NDUFA10: variants seen among roughly 807,000 people sequenced by gnomAD.
NDUFA10 encodes NADH:ubiquinone oxidoreductase subunit A10.
A neutral mutation model predicts 47.8 loss-of-function variants in NDUFA10; 40 were observed. The observed-to-expected ratio is 0.84, with a 90% CI of 0.65 to 1.09. The LOEUF is 1.09. NDUFA10 is among the 50% of genes least tolerant of loss of function. NDUFA10 has a pLI of 0.00. For missense variants in NDUFA10, 413 were observed against 451.1 expected, an observed-to-expected ratio of 0.92 and a Z score of 0.76; for synonymous variants, 183 against 172.2, an observed-to-expected ratio of 1.06 and a Z score of -0.49.
chr2:239,974,444 C>A (rs1695429296), intron 9 of NDUFA10, among the ~76,000 whole-genome samples: 1 of 152,232 alleles, frequency 6.6e-6, no homozygotes, highest in Non-Finnish European at 1.5e-5. Context: ...GTGAAAAGGT[C>A]TTTCTTTACT....
chr2:239,972,442 C>T (rs1695341801), intron 9 of NDUFA10, among the ~76,000 whole-genome samples: 1 of 151,960 alleles, frequency 6.6e-6, no homozygotes, highest in Non-Finnish European at 1.5e-5. Flanking sequence ...ATTCCAGTTT[C>T]CAACTCCTAT....
chr2:239,990,224 A>G (rs765065390), intron 8 of NDUFA10, 42 bp from the exon 9 acceptor site: 2 of 1,470,064 alleles, frequency 1.4e-6, no homozygotes, highest in South Asian at 2.3e-5. Context: ...AACCATCAAA[A>G]TAAATACAAT....
In NDUFA10 at chr2:240,021,393, T is replaced by A. The variant is rs776242214; in HGVS notation, c.264A>T (p.Glu88Asp). 1 of 1,614,198 alleles carries A rather than the reference T, an allele frequency of 6.2e-7. No homozygotes were observed. The highest frequency in any genetic ancestry group is 8.5e-7 in the Non-Finnish European group (1 of 1,180,030). The change falls in exon 3 of 10, where the codon GAA (glutamate) becomes GAT (aspartate). Residue 88 changes from glutamate to aspartate, a missense_variant. By Grantham distance (45) the Glu-to-Asp change is conservative (BLOSUM62 2). Transcript: ENST00000252711. Reference sequence around the variant, plus strand: ...TACTGTCTGGATAATGAATCCCCGCTTCAGGAAAGTGCTTGAAGCCTGAAA... The same window carrying A: ...TACTGTCTGGATAATGAATCCCCGCATCAGGAAAGTGCTTGAAGCCTGAAA... ...AEKLGFKHFP[E>D]AGIHYPDSTT...
At chr2:239,909,916 G>C (rs13410392) in intron 4 of NDUFA10, among the ~76,000 whole-genome samples, 11 of 139,048 alleles carry the variant, frequency 7.9e-5, no homozygotes, top group African/African-American at 2.9e-4. Context: ...AAGAAAGGCA[G>C]ACAAAAGAAG....
At chr2:239,948,188 A>G (rs1456846306) in intron 4 of NDUFA10, among the ~76,000 whole-genome samples, 2 of 152,228 alleles carry the variant, frequency 1.3e-5, no homozygotes, top group Non-Finnish European at 2.9e-5. Flanking sequence ...TAAGAGCTAG[A>G]ACCTCCTGGG....
intron 4 of NDUFA10, among the ~76,000 whole-genome samples, chr2:239,908,793 C>T (rs1269011015): frequency 6.6e-6 from 1 of 152,202 alleles, no homozygotes; most frequent in Non-Finnish European, 1.5e-5. Context: ...CCCTCCACAG[C>T]CCACCTTCCC....
chr2:239,996,040 CG>C (rs1279502064), intron 8 of NDUFA10, among the ~76,000 whole-genome samples: 1 of 151,798 alleles, frequency 6.6e-6, no homozygotes. Flanking sequence ...AGAGAAAATC[CG>C]TAAGGAGACC....
Position 240,007,188 on chromosome 2 carries a change from G to C in NDUFA10, c.804+128C>G, listed in dbSNP as rs74571597. On this transcript the variant is annotated intron_variant, in intron 7 of 9. Transcript: ENST00000252711. ...TGTGATGATGGGTTTGACTGGCACT[G>C]CTTTCAGGTGATAAAACAGTGATGT... is the stretch of plus-strand genomic sequence containing the variant. 1.6e-3 allele frequency: 1,204 copies of C among 749,340 alleles called. 13 individuals are homozygous for C. The African/African-American group carries it at 0.019, about 12-fold the overall frequency. 46.4% of individuals were successfully genotyped at this position (749,340 alleles called of 1,614,324 possible).
intron 4 of NDUFA10, among the ~76,000 whole-genome samples, chr2:239,898,993 G>GATGGAGAGGTA (rs1693463622): frequency 9.3e-6 from 1 of 107,974 alleles, no homozygotes; most frequent in Non-Finnish European, 2.0e-5. Context: ...ATGGAGAGGT[G>GATGGAGAGGTA]TGATGGAGAG....
intron 4 of NDUFA10, among the ~76,000 whole-genome samples, chr2:239,942,310 G>A (rs1042734690): frequency 1.3e-5 from 2 of 152,220 alleles, no homozygotes; most frequent in East Asian, 1.9e-4. Flanking sequence ...CCACCAGGGC[G>A]CCTGAGCCAG....
rs540529004 is a variant in NDUFA10 at position 240,016,881 on chromosome 2, G to A, written c.547+1672C>T. On this transcript the variant is annotated intron_variant, in intron 4 of 9. Transcript: ENST00000252711. This position sits in a 1 kb window ranked among gnomAD's most constrained non-coding sequence, Gnocchi z 4.4. ...GGAACCTCACACTCAGGAATCCAAC[G>A]CCCAAACATGAAGCCACATCGGTCC... 2.0e-5 allele frequency among the ~76,000 whole-genome samples: 3 copies of A among 152,140 alleles called. No individual in the cohort carries two copies. Among genetic ancestry groups the A allele is most frequent in the Admixed American group, 6.5e-5 (1 of 15,302 alleles).
chr2:240,020,632 G>C (rs190320977), intron 3 of NDUFA10, among the ~76,000 whole-genome samples: 42 of 152,180 alleles, frequency 2.8e-4, no homozygotes, highest in South Asian at 6.2e-4. Context: ...CCAGTACACA[G>C]CTCTTCCTTT....
rs183977893 is a variant in NDUFA10 at position 239,974,052 on chromosome 2, G to A, written c.1000-12866C>T. Among the ~76,000 whole-genome samples, 346 of 152,136 alleles carry A rather than the reference G, an allele frequency of 2.3e-3. 3 individuals are homozygous for A. Among genetic ancestry groups the A allele is most frequent in the South Asian group, 0.015 (72 of 4,806 alleles). On this transcript the variant is annotated intron_variant, in intron 9 of 9. Transcript: ENST00000252711. ...AGTGATTCTCATGCCTCAGCCTCCC[G>A]AGTAGGTGGGATTACAGGTGCTCGC...
chr2:239,966,695 G>C (rs2106401847), intron 9 of NDUFA10, among the ~76,000 whole-genome samples: 1 of 152,180 alleles, frequency 6.6e-6, no homozygotes, highest in African/African-American at 2.4e-5. Flanking sequence ...GAGGGTGAAT[G>C]GCACACACAC....
At chr2:239,975,529 T>G (rs116099898) in intron 9 of NDUFA10, among the ~76,000 whole-genome samples, 1 of 152,304 alleles carries the variant, frequency 6.6e-6, no homozygotes, top group Non-Finnish European at 1.5e-5. Context: ...AGAAAGCCAC[T>G]GTGTCAAACT....
At chr2:239,913,884 G>A (rs1693795905) in intron 4 of NDUFA10, among the ~76,000 whole-genome samples, 2 of 152,210 alleles carry the variant, frequency 1.3e-5, no homozygotes, top group African/African-American at 4.8e-5. Context: ...AGGAGGACGT[G>A]GCCAAGAGCG....
chr2:239,978,236 C>G (rs2106422493), intron 9 of NDUFA10, among the ~76,000 whole-genome samples: 2 of 152,268 alleles, frequency 1.3e-5, no homozygotes, highest in Middle Eastern at 3.4e-3. Flanking sequence ...ATGCCTTAGC[C>G]CTTAAAAACA....
chr2:239,906,336 CCT>C lies in NDUFA10; in HGVS notation c.295-11024_295-11023del, dbSNP rs1013976968. ...CTGACTGTCTAGGCACTGACCACGC[CCT>C]GTTGATAGACGCCGAGGCCATTTTC... On this transcript the variant is annotated intron_variant, in intron 4 of 5. Transcript: ENST00000419408. This position sits in a 1 kb window ranked among gnomAD's most constrained non-coding sequence, Gnocchi z 4.3. 1.3e-5 allele frequency among the ~76,000 whole-genome samples: 2 copies of C among 152,162 alleles called. No individual in the cohort carries two copies. Among genetic ancestry groups the C allele is most frequent in the African/African-American group, 4.8e-5 (2 of 41,432 alleles).
At chr2:239,975,666 C>T (rs1180913938) in intron 9 of NDUFA10, among the ~76,000 whole-genome samples, 2 of 152,172 alleles carry the variant, frequency 1.3e-5, no homozygotes, top group Non-Finnish European at 2.9e-5. Context: ...GAAGTGGTGC[C>T]CTCTTCAGCC....
Sources: allele counts gnomAD v4.1 joint callset (sites outside exome capture counted in the v4.1 genomes callset), GRCh38; gene constraint gnomAD v4.1.1; non-coding constraint Gnocchi (gnomAD v3.1); transcripts MANE v1.5; gene names NCBI Gene and HGNC (gene_info 2026-07-23, HGNC 2026-07-21).